Variants in PPP1R37 observed in about 807,000 individuals in gnomAD.
PPP1R37 encodes the protein leucine rich repeat containing 68.
In PPP1R37, 21 loss-of-function variants were observed where a neutral mutation model predicts 61.0. The observed-to-expected ratio is 0.34, with a 90% CI of 0.24 to 0.50. The LOEUF (loss-of-function observed/expected upper bound fraction) is 0.50, where lower values mean the gene tolerates loss of function less well. Among genes scored for constraint, PPP1R37 ranks in the 20% least tolerant of loss-of-function variants. The probability of loss-of-function intolerance (pLI) is 0.98; values close to 1 mark genes in which losing one functional copy is unlikely to be tolerated. For missense variants in PPP1R37, 910 were observed against 952.7 expected (o/e 0.96, Z 0.59); for synonymous variants, 443 against 433.5 (o/e 1.02, Z -0.27).
rs1175653386 is a variant in PPP1R37, at chr19:45,146,376, G to A, written c.1994-14G>A. On this transcript the variant is annotated splice_polypyrimidine_tract_variant and intron_variant, in intron 11 of 12. Transcript: ENST00000221462. ...ACCCGCCTGACGGGGGTGCTGGCCCGTCCTCCCACACAGAACTGAGCTGCT... is the reference window on the plus strand; with the variant it reads ...ACCCGCCTGACGGGGGTGCTGGCCCATCCTCCCACACAGAACTGAGCTGCT... 7.8e-6 allele frequency: 12 copies of A among 1,534,700 alleles called. No individual in the cohort carries two copies. Among genetic ancestry groups the A allele is most frequent in the African/African-American group, 5.5e-5 (4 of 73,134 alleles).
chr19:45,120,102 C>T (rs1489551408), intron 1 of PPP1R37, among the ~76,000 whole-genome samples: 3 of 149,218 alleles, frequency 2.0e-5, no homozygotes, highest in Admixed American at 6.7e-5. Flanking sequence ...ACTGCAAGCT[C>T]CTCCTCCCAG....
intron 1 of PPP1R37, among the ~76,000 whole-genome samples, chr19:45,126,585 G>C (rs901115158): frequency 6.6e-6 from 1 of 152,162 alleles, no homozygotes; most frequent in African/African-American, 2.4e-5. Flanking sequence ...CTACCTCCCC[G>C]GCTTGAGAAT....
rs1968669727 is a variant in PPP1R37, at chr19:45,145,076, C to T, written c.1130-18C>T. The T allele has an allele frequency of 5.9e-6, 9 of 1,530,494 alleles. No individual in the cohort carries two copies. Among genetic ancestry groups the T allele is most frequent in the Non-Finnish European group, 2.6e-6 (3 of 1,144,404 alleles). The allele number at this position is 1,530,494 out of a possible 1,614,324, so 94.8% of individuals were successfully genotyped here. ...CCGGGTGTGGGGCCCGTGGCCAGCC[C>T]CTGCGGTGCCCCCCCAGGCGCGGTG... On this transcript the variant is annotated intron_variant, in intron 9 of 12. Coordinates refer to ENST00000221462, the MANE Select transcript of PPP1R37 (RefSeq NM_019121.2).
At chr19:45,122,117 GCCC>G (rs535966970) in intron 1 of PPP1R37, among the ~76,000 whole-genome samples, 387 of 152,254 alleles carry the variant, frequency 2.5e-3, no homozygotes, top group African/African-American at 9.1e-3. Context: ...TCCCTCCCCT[GCCC>G]CCCAACTGAG....
rs1489093950 is a variant in PPP1R37 at position 45,093,371 on chromosome 19, G to T, written c.46G>T (p.Gly16Cys). The T allele has an allele frequency of 1.3e-6, 2 of 1,512,506 alleles. No homozygotes were observed. Among genetic ancestry groups the T allele is most frequent in the African/African-American group, 2.8e-5 (2 of 70,758 alleles). 93.7% of individuals were successfully genotyped at this position (1,512,506 alleles called of 1,614,324 possible). ...QEAPPVPGADGDIEEAPAEAG... is the reference protein window; with the variant it reads ...QEAPPVPGADCDIEEAPAEAG... ...GGCGCCGCCCGTGCCGGGCGCGGAC[G>T]GCGACATTGAAGAGGCCCCAGCTGA... Residue 16 changes from glycine (G) to cysteine (C), a missense_variant, in exon 1 of 13, where the codon GGC becomes TGC. Around this residue, in one of 3 missense-constraint regions of PPP1R37, gnomAD observed 81 missense variants for 65.4 expected, o/e 1.24. Transcript: ENST00000221462.
chr19:45,122,255 G>T (rs879461360), intron 1 of PPP1R37, among the ~76,000 whole-genome samples: 1 of 152,158 alleles, frequency 6.6e-6, no homozygotes, highest in Non-Finnish European at 1.5e-5. Flanking sequence ...GCACACCTTC[G>T]CTGCCTGAGT....
intron 1 of PPP1R37, among the ~76,000 whole-genome samples, chr19:45,111,173 A>G (rs1410319976): frequency 6.6e-6 from 1 of 152,096 alleles, no homozygotes; most frequent in African/African-American, 2.4e-5. Flanking sequence ...CAGTTCCCCA[A>G]GGCTCCAAGA....
At chr19:45,111,615 C>T (rs1414475928) in intron 1 of PPP1R37, among the ~76,000 whole-genome samples, 12 of 152,138 alleles carry the variant, frequency 7.9e-5, no homozygotes, top group Admixed American at 7.2e-4. Flanking sequence ...ATGTAATGTA[C>T]ATGTAAGTTG....
intron 1 of PPP1R37, among the ~76,000 whole-genome samples, chr19:45,094,348 G>C (rs567483384): frequency 2.6e-5 from 4 of 152,154 alleles, no homozygotes; most frequent in Non-Finnish European, 5.9e-5. Context: ...AAAAAGAGAA[G>C]CAGAAGGAAG....
At chr19:45,140,401 AG>A in intron 3 of PPP1R37, 104 bp from the exon 4 acceptor site, 2 of 437,116 alleles carry the variant, frequency 4.6e-6, no homozygotes, top group Admixed American at 5.7e-5. Context: ...CAGCCAGGGC[AG>A]GGGCTGGGCC....
intron 1 of PPP1R37, among the ~76,000 whole-genome samples, chr19:45,124,863 T>C (rs146843519): frequency 0.01 from 1,535 of 150,394 alleles, 23 homozygotes; most frequent in African/African-American, 0.036. Flanking sequence ...CTCAGCTACT[T>C]GGGAGGTTGA....
At chr19:45,112,557 T>A (rs1599694933) in intron 1 of PPP1R37, among the ~76,000 whole-genome samples, 2 of 152,156 alleles carry the variant, frequency 1.3e-5, no homozygotes, top group African/African-American at 4.8e-5. Flanking sequence ...TGTAGTTATG[T>A]TCTGGGGGGC....
chr19:45,125,752 G>A (rs951155484), intron 1 of PPP1R37, among the ~76,000 whole-genome samples: 1 of 152,184 alleles, frequency 6.6e-6, no homozygotes, highest in African/African-American at 2.4e-5. Context: ...GGGAGTCAAG[G>A]TAAAGTGAAG....
intron 1 of PPP1R37, among the ~76,000 whole-genome samples, chr19:45,122,233 A>G (rs932155194): frequency 2.6e-5 from 4 of 152,090 alleles, no homozygotes; most frequent in Non-Finnish European, 4.4e-5. Flanking sequence ...CCCATTGGTG[A>G]CCTCATCACG....
Position 45,145,512 on chromosome 19 carries a change from G to A in PPP1R37, c.1456G>A (p.Asp486Asn), listed in dbSNP as rs567322824. 3 of 1,534,048 alleles carry A rather than the reference G, an allele frequency of 2.0e-6. No homozygotes were observed. The highest frequency in any genetic ancestry group is 2.6e-6 in the Non-Finnish European group (3 of 1,146,008). ...ETTATEPQPD[D>N]EPAAGVQNGA... is the part of the protein sequence containing the mutation. ...CACCGCCACCGAGCCCCAGCCCGAC[G>A]ACGAGCCCGCCGCTGGGGTGCAGAA... The change falls in exon 11 of 13, where the codon GAC becomes AAC. Residue 486 changes from aspartate to asparagine, a missense_variant. Physicochemically the swap from Asp to Asn is conservative, Grantham distance 23. This residue lies in a region of PPP1R37 where 549 missense variants were observed against 505.1 expected (regional missense o/e 1.09). Coordinates refer to ENST00000221462, the MANE Select transcript of PPP1R37 (RefSeq NM_019121.2).
intron 1 of PPP1R37, among the ~76,000 whole-genome samples, chr19:45,104,715 C>A (rs553400534): frequency 2.2e-4 from 33 of 152,240 alleles, no homozygotes; most frequent in African/African-American, 7.7e-4. Context: ...AGTGTCCCTG[C>A]AACAGGTTAG....
chr19:45,145,790 C>A lies in PPP1R37; in HGVS notation c.1734C>A (p.Pro578=). The change falls in exon 11 of 13, where the codon CCC becomes CCA. Residue 578 remains proline (P), a synonymous_variant. Transcript: ENST00000221462. ...VFVVTRVESP[P]ERAEPPASPT... ...TGGTGACCCGGGTGGAGAGCCCGCC[C>A]GAGAGGGCAGAGCCCCCTGCGTCCC... The A allele has an allele frequency of 1.3e-6, 2 of 1,505,964 alleles. No individual in the cohort carries two copies. The highest frequency in any genetic ancestry group is 1.3e-5 in the South Asian group (1 of 79,096). 93.3% of individuals were successfully genotyped at this position (1,505,964 alleles called of 1,614,324 possible). A position where few individuals can be genotyped will look rare whatever the true frequency, so the allele number is the denominator to read the frequency against.
intron 8 of PPP1R37, 133 bp downstream of exon 8, chr19:45,143,766 A>G (rs2122757742): frequency 1.8e-6 from 1 of 550,912 alleles, no homozygotes; most frequent in Non-Finnish European, 3.2e-6. Flanking sequence ...ATTTAAACTC[A>G]GCCCCACCTG....
chr19:45,094,602 C>T (rs553637467), intron 1 of PPP1R37, among the ~76,000 whole-genome samples: 134 of 152,232 alleles, frequency 8.8e-4, no homozygotes, highest in Non-Finnish European at 1.4e-3. Flanking sequence ...TGGTGCACAC[C>T]TGTAATCCCA....
Sources: gnomAD v4.1 joint callset for allele counts (sites outside exome capture counted in the v4.1 genomes callset) on GRCh38, gnomAD v4.1.1 for gene constraint, gnomAD v4.1.1 regional missense constraint, MANE v1.5 for transcripts, NCBI Gene and HGNC (gene_info 2026-07-23, HGNC 2026-07-21) for gene names.